The following MAP4K4 variants were observed in gnomAD, a reference collection of about 807,000 sequenced individuals.
MAP4K4 encodes mitogen-activated protein kinase kinase kinase kinase 4, also known as HPK/GCK-like kinase HGK.
MAP4K4 carries 38 observed loss-of-function variants against 189.6 expected under a neutral mutation model. The ratio of observed to expected loss-of-function variants is 0.20; its 90% CI spans 0.15 to 0.26. The LOEUF (loss-of-function observed/expected upper bound fraction) is 0.26, where lower values mean the gene tolerates loss of function less well. Ranked by LOEUF, MAP4K4 falls within the 10% of genes least tolerant of loss-of-function variation. The pLI, the probability that MAP4K4 is intolerant of heterozygous loss-of-function variation, is 1.00. For missense variants in MAP4K4, 1,054 were observed against 1,726.9 expected (o/e 0.61, Z 6.91); for synonymous variants, 610 against 624.3 (o/e 0.98, Z 0.34).
intron 28 of MAP4K4, among the ~76,000 whole-genome samples, chr2:101,883,316 C>T (rs1246984477): frequency 6.6e-6 from 1 of 152,152 alleles, no homozygotes; most frequent in Non-Finnish European, 1.5e-5. Context: ...AGTAAAATCT[C>T]ACAGGAACAA....
chr2:101,869,690 C>G (rs1216729695), exon 22 of MAP4K4: 1 of 1,607,130 alleles, frequency 6.2e-7, no homozygotes, highest in Non-Finnish European at 8.5e-7. Context: ...AAGTAACGGA[C>G]TACTCCTCAT....
chr2:101,785,714 C>CTTTTCCTTTTT, intron 2 of MAP4K4, among the ~76,000 whole-genome samples: 1 of 6,396 alleles, frequency 1.6e-4, no homozygotes, highest in Non-Finnish European at 2.5e-4. Flanking sequence ...CTCTCTCTCT[C>CTTTTCCTTTTT]TCTCTCTCTC....
intron 21 of MAP4K4, among the ~76,000 whole-genome samples, chr2:101,868,716 G>T (rs996682305): frequency 6.6e-6 from 1 of 152,232 alleles, no homozygotes; most frequent in Non-Finnish European, 1.5e-5. Context: ...ACTCAGGGTC[G>T]CAGTGTCTCT....
chr2:101,768,699 A>C (rs542808882), intron 2 of MAP4K4, among the ~76,000 whole-genome samples: 3 of 152,166 alleles, frequency 2.0e-5, no homozygotes, highest in African/African-American at 7.2e-5. Context: ...TCCACAGAAA[A>C]GGGTGTTTCC....
At chr2:101,766,306 C>T (rs895578640) in intron 2 of MAP4K4, among the ~76,000 whole-genome samples, 18 of 152,052 alleles carry the variant, frequency 1.2e-4, no homozygotes, top group Non-Finnish European at 2.6e-4. Context: ...TGGTGGTGGT[C>T]ACCTGGGCTT....
At chr2:101,711,898 C>T (rs1171786450) in intron 2 of MAP4K4, among the ~76,000 whole-genome samples, 1 of 147,296 alleles carries the variant, frequency 6.8e-6, no homozygotes, top group Non-Finnish European at 1.5e-5. Context: ...TTATTTTTTT[C>T]TTGTCTTTAT....
chr2:101,834,570 G>A, intron 8 of MAP4K4, 107 bp downstream of exon 8: 1 of 836,952 alleles, frequency 1.2e-6, no homozygotes, highest in Non-Finnish European at 1.9e-6. Context: ...CATTTCTGGT[G>A]GACTGTTTAG....
intron 27 of MAP4K4, among the ~76,000 whole-genome samples, chr2:101,878,809 A>C (rs2098287151): frequency 6.6e-6 from 1 of 152,218 alleles, no homozygotes; most frequent in Non-Finnish European, 1.5e-5. Flanking sequence ...TCTGCTTGTT[A>C]GTACAAGCTT....
intron 2 of MAP4K4, among the ~76,000 whole-genome samples, chr2:101,764,156 A>C (rs1402263851): frequency 1.4e-5 from 2 of 147,386 alleles, no homozygotes; most frequent in Admixed American, 1.3e-4. Context: ...ATGCTAAAAA[A>C]ATGATTGTGC....
intron 2 of MAP4K4, among the ~76,000 whole-genome samples, chr2:101,729,427 G>T (rs2057402082): frequency 1.3e-5 from 2 of 152,040 alleles, no homozygotes; most frequent in South Asian, 4.1e-4. Context: ...CTTTATTTTG[G>T]TTAAAAATAC....
chr2:101,718,853 T>G (rs202003895), intron 2 of MAP4K4, among the ~76,000 whole-genome samples: 1 of 152,176 alleles, frequency 6.6e-6, no homozygotes, highest in East Asian at 1.9e-4. Flanking sequence ...CTACTGTAAT[T>G]CCATACTTTC....
chr2:101,720,771 C>T (rs2051422236), intron 2 of MAP4K4, among the ~76,000 whole-genome samples: 1 of 152,194 alleles, frequency 6.6e-6, no homozygotes, highest in Admixed American at 6.5e-5. Flanking sequence ...TCTTTTGTTA[C>T]TGTTTTCTTG....
intron 3 of MAP4K4, 81 bp from the exon 4 acceptor site, chr2:101,823,847 C>T: frequency 8.2e-7 from 1 of 1,219,324 alleles, no homozygotes; most frequent in Non-Finnish European, 1.1e-6. Context: ...GTGTTCCTTT[C>T]ATTATTGTAT....
chr2:101,869,669 G>GCCA, exon 22 of MAP4K4: 1 of 1,609,396 alleles, frequency 6.2e-7, no homozygotes, highest in Non-Finnish European at 8.5e-7. Context: ...AAGATGTACG[G>GCCA]CCACCTCACA....
At chr2:101,863,872 C>A in exon 17 of MAP4K4, 5 of 1,367,692 alleles carry the variant, frequency 3.7e-6, no homozygotes, top group Non-Finnish European at 4.9e-6. Context: ...CCCTGTCTCG[C>A]GATCCCATTC....
At chr2:101,804,362 G>A (rs566670752) in intron 3 of MAP4K4, among the ~76,000 whole-genome samples, 7 of 152,150 alleles carry the variant, frequency 4.6e-5, no homozygotes, top group Non-Finnish European at 8.8e-5. Context: ...ATTTCATGGT[G>A]GGGTGAAAGA....
At chr2:101,819,941 GC>G (rs1317197048) in intron 3 of MAP4K4, among the ~76,000 whole-genome samples, 1 of 152,138 alleles carries the variant, frequency 6.6e-6, no homozygotes, top group Non-Finnish European at 1.5e-5. Context: ...ATGGTGATCT[GC>G]CAACAGTATT....
Position 101,859,593 on chromosome 2 carries a change from C to A in MAP4K4, c.1483-50C>A, listed in dbSNP as rs534472599. ...AAGCCGAACAAATCCAGAGAAGAGG[C>A]GAGCTCTCCAGTGTCCCATAGATTT... On this transcript the variant is annotated intron_variant, in intron 14 of 32. Coordinates refer to ENST00000324219, the Ensembl canonical transcript of MAP4K4. 4 of 1,338,086 alleles carry A rather than the reference C, an allele frequency of 3.0e-6. No homozygotes were observed. The Admixed American group carries it at 6.9e-5, about 23-fold the overall frequency. 82.9% of individuals were successfully genotyped at this position (1,338,086 alleles called of 1,614,324 possible). A position where few individuals can be genotyped will look rare whatever the true frequency, so the allele number is the denominator to read the frequency against.
At chr2:101,698,373 A>C in intron 1 of MAP4K4, 100 bp from the exon 2 acceptor site, 27 of 1,095,324 alleles carry the variant, frequency 2.5e-5, no homozygotes, top group Admixed American at 3.5e-5. Flanking sequence ...GGCGAAGCCC[A>C]CCTCTTTTGT....
Sources: gnomAD v4.1 joint callset for allele counts (sites outside exome capture counted in the v4.1 genomes callset) on GRCh38, gnomAD v4.1.1 for gene constraint, MANE v1.5 for transcripts, NCBI Gene and HGNC (gene_info 2026-07-23, HGNC 2026-07-21) for gene names.